Variants in WDPCP observed in about 807,000 individuals in gnomAD.
The protein encoded by WDPCP is WD repeat containing planar cell polarity effector.
A neutral mutation model predicts 93.1 loss-of-function variants in WDPCP; 71 were observed. That is an observed-to-expected ratio of 0.76 (90% CI 0.63 to 0.93). WDPCP has a LOEUF of 0.93. WDPCP is among the 40% of genes least tolerant of loss of function. The pLI, the probability that WDPCP is intolerant of heterozygous loss-of-function variation, is 0.00. For synonymous variants in WDPCP, 315 were observed against 315.0 expected (o/e 1.00, Z 0.00); for missense variants, 844 against 887.4 (o/e 0.95, Z 0.62).
chr2:63,263,390 G>T (rs1190122634), intron 13 of WDPCP, among the ~76,000 whole-genome samples: 3 of 152,158 alleles, frequency 2.0e-5, no homozygotes, highest in Non-Finnish European at 4.4e-5. Flanking sequence ...AATTAATGCT[G>T]TTATCACAGG....
chr2:63,806,960 A>C (rs1017534045), intron 2 of WDPCP, among the ~76,000 whole-genome samples: 2 of 152,178 alleles, frequency 1.3e-5, no homozygotes, highest in African/African-American at 4.8e-5. Context: ...CTGAGGCAAT[A>C]TACATCCTCC....
intron 2 of WDPCP, among the ~76,000 whole-genome samples, chr2:63,782,581 A>G (rs1670410562): frequency 6.6e-6 from 1 of 152,224 alleles, no homozygotes; most frequent in Admixed American, 6.5e-5. Flanking sequence ...ATCACTAATC[A>G]TTAGAGAAAT....
intron 12 of WDPCP, among the ~76,000 whole-genome samples, chr2:63,314,422 A>G (rs983851406): frequency 2.6e-4 from 40 of 152,258 alleles, no homozygotes; most frequent in African/African-American, 9.6e-4. Context: ...CACCCACTTC[A>G]GCGTCCCAAA....
chr2:63,674,159 G>T (rs561097158), intron 2 of WDPCP, among the ~76,000 whole-genome samples: 219 of 152,246 alleles, frequency 1.4e-3, no homozygotes, highest in African/African-American at 4.9e-3. Context: ...TTCTCCTCAT[G>T]GATAAAAAGA....
intron 1 of WDPCP, among the ~76,000 whole-genome samples, chr2:63,551,565 C>T (rs1477169591): frequency 1.3e-5 from 2 of 152,180 alleles, no homozygotes; most frequent in African/African-American, 2.4e-5. Context: ...GCTTCCTGTA[C>T]AGCCTGCAGA....
chr2:63,175,269 GAT>G (rs2104015201), intron 14 of WDPCP, among the ~76,000 whole-genome samples: 1 of 152,208 alleles, frequency 6.6e-6, no homozygotes, highest in South Asian at 2.1e-4. Flanking sequence ...TTTATAGGGA[GAT>G]ATATACTCCC....
intron 3 of WDPCP, among the ~76,000 whole-genome samples, chr2:63,620,736 C>T (rs1709726411): frequency 6.6e-6 from 1 of 152,194 alleles, no homozygotes; most frequent in Non-Finnish European, 1.5e-5. Context: ...TGGGAGACAC[C>T]TCCCAGCAGG....
chr2:63,530,250 A>G (rs561398920), intron 1 of WDPCP, among the ~76,000 whole-genome samples: 1 of 152,096 alleles, frequency 6.6e-6, no homozygotes, highest in East Asian at 1.9e-4. Context: ...TAGCTTGTGA[A>G]TGTGTTTGCT....
intron 2 of WDPCP, among the ~76,000 whole-genome samples, chr2:63,805,529 G>C (rs1403924741): frequency 6.6e-6 from 1 of 152,070 alleles, no homozygotes; most frequent in African/African-American, 2.4e-5. Context: ...TTTTTTGATA[G>C]ATTCACTCCA....
chr2:63,685,316 A>C (rs548606420), intron 2 of WDPCP, among the ~76,000 whole-genome samples: 24 of 152,358 alleles, frequency 1.6e-4, no homozygotes, highest in Admixed American at 3.9e-4. Context: ...ATTAGTGGCT[A>C]CTATGAGCAA....
chr2:63,189,044 T>C (rs1440752848), intron 14 of WDPCP, among the ~76,000 whole-genome samples: 2 of 152,236 alleles, frequency 1.3e-5, no homozygotes, highest in Non-Finnish European at 2.9e-5. Flanking sequence ...TTAGTGTATC[T>C]GGGTGCTTCT....
At chr2:63,685,385 C>T (rs1426970224) in intron 2 of WDPCP, among the ~76,000 whole-genome samples, 1 of 152,114 alleles carries the variant, frequency 6.6e-6, no homozygotes, top group Non-Finnish European at 1.5e-5. Context: ...ACATGTACAA[C>T]CTATCAAGAT....
At chr2:63,558,889 T>C (rs1274392761) in intron 1 of WDPCP, among the ~76,000 whole-genome samples, 15 of 152,090 alleles carry the variant, frequency 9.9e-5, no homozygotes, top group Admixed American at 9.8e-4. Flanking sequence ...TTAAAACTAT[T>C]CCAAACAACT....
At chr2:63,288,748 A>C (rs1286650798) in intron 13 of WDPCP, among the ~76,000 whole-genome samples, 1 of 152,192 alleles carries the variant, frequency 6.6e-6, no homozygotes, top group Non-Finnish European at 1.5e-5. Flanking sequence ...TTGTTCAAAT[A>C]ATGTCCTTCC....
At chr2:63,806,717 G>A (rs954688845) in intron 2 of WDPCP, among the ~76,000 whole-genome samples, 29 of 152,200 alleles carry the variant, frequency 1.9e-4, no homozygotes, top group African/African-American at 6.5e-4. Context: ...TCTTTCTCAG[G>A]GATGTTCCAT....
chr2:63,410,044 C>T (rs1240287860), intron 9 of WDPCP, among the ~76,000 whole-genome samples: 1 of 152,098 alleles, frequency 6.6e-6, no homozygotes, highest in African/African-American at 2.4e-5. Flanking sequence ...GGAAATTCAT[C>T]GCAAAAAGAT....
At chr2:63,474,294 C>T (rs1000778229) in intron 6 of WDPCP, among the ~76,000 whole-genome samples, 4 of 151,910 alleles carry the variant, frequency 2.6e-5, no homozygotes, top group African/African-American at 9.7e-5. Flanking sequence ...ATATCCATGG[C>T]AAATTAGAAA....
intron 14 of WDPCP, among the ~76,000 whole-genome samples, chr2:63,197,813 T>G (rs925971680): frequency 6.6e-6 from 1 of 152,206 alleles, no homozygotes; most frequent in Non-Finnish European, 1.5e-5. Context: ...TTCTACCACA[T>G]CTTACCTAGC....
intron 1 of WDPCP, chr2:63,518,609 C>T (rs1477776215): frequency 1.3e-5 from 2 of 152,632 alleles, no homozygotes; most frequent in African/African-American, 2.4e-5. Flanking sequence ...CCACACCCCG[C>T]AAAGCTCACC....
Sources: gnomAD v4.1 joint callset for allele counts (sites outside exome capture counted in the v4.1 genomes callset) on GRCh38, gnomAD v4.1.1 for gene constraint, MANE v1.5 for transcripts, NCBI Gene and HGNC (gene_info 2026-07-23, HGNC 2026-07-21) for gene names.